The following ATRNL1 variants were observed in gnomAD, a reference collection of about 807,000 sequenced individuals.
ATRNL1 encodes the protein attractin like 1.
In ATRNL1, 95 loss-of-function variants were observed where a neutral mutation model predicts 182.7. The ratio of observed to expected loss-of-function variants is 0.52; its 90% CI spans 0.44 to 0.62. The LOEUF (loss-of-function observed/expected upper bound fraction) is 0.62, where lower values mean the gene tolerates loss of function less well. Among genes scored for constraint, ATRNL1 ranks in the 20% least tolerant of loss-of-function variants. The pLI, the probability that ATRNL1 is intolerant of heterozygous loss-of-function variation, is 0.00. For synonymous variants in ATRNL1, 576 were observed against 568.3 expected (o/e 1.01, Z -0.19); for missense variants, 1,471 against 1,679.5 (o/e 0.88, Z 2.17).
At chr10:115,140,200 C>T (rs1690512483) in intron 5 of ATRNL1, among the ~76,000 whole-genome samples, 4 of 152,254 alleles carry the variant, frequency 2.6e-5, no homozygotes, top group Admixed American at 1.3e-4. Flanking sequence ...CATACCGTGG[C>T]TGCCTAGAGA....
chr10:115,579,120 C>T (rs997039071), intron 26 of ATRNL1, among the ~76,000 whole-genome samples: 1 of 151,662 alleles, frequency 6.6e-6, no homozygotes, highest in East Asian at 1.9e-4. Context: ...TGTGGTCTAA[C>T]GTGATCTATC....
At chr10:115,382,737 C>G (rs1554951568) in intron 19 of ATRNL1, among the ~76,000 whole-genome samples, 1 of 148,222 alleles carries the variant, frequency 6.7e-6, no homozygotes, top group Non-Finnish European at 1.5e-5. Context: ...ATAAGAATCT[C>G]CAGTACAAGC....
chr10:115,817,317 T>G (rs1285070740), intron 27 of ATRNL1, among the ~76,000 whole-genome samples: 1 of 152,132 alleles, frequency 6.6e-6, no homozygotes, highest in Admixed American at 6.6e-5. Flanking sequence ...TGAAATTATT[T>G]ATGAGGTCAT....
chr10:115,659,666 C>T (rs191030275), intron 26 of ATRNL1, among the ~76,000 whole-genome samples: 4 of 152,094 alleles, frequency 2.6e-5, no homozygotes, highest in African/African-American at 9.6e-5. Context: ...GTCTATAGTG[C>T]TATGGAACTT....
At chr10:115,169,505 A>C (rs1238422226) in intron 7 of ATRNL1, among the ~76,000 whole-genome samples, 2 of 152,158 alleles carry the variant, frequency 1.3e-5, no homozygotes, top group East Asian at 1.9e-4. Context: ...CACCATGCCC[A>C]ACCTATCTTG....
At chr10:115,218,430 C>T (rs782299698) in intron 9 of ATRNL1, among the ~76,000 whole-genome samples, 12 of 152,132 alleles carry the variant, frequency 7.9e-5, no homozygotes, top group South Asian at 2.1e-4. Context: ...CTGTCATTTG[C>T]GATCTCATGC....
At chr10:115,625,799 T>TA (rs1181636114) in intron 26 of ATRNL1, among the ~76,000 whole-genome samples, 1 of 152,052 alleles carries the variant, frequency 6.6e-6, no homozygotes, top group Middle Eastern at 3.2e-3. Flanking sequence ...AATGACCCTA[T>TA]ATGCTTATAT....
chr10:115,367,487 A>G (rs1229672547), intron 19 of ATRNL1, among the ~76,000 whole-genome samples: 1 of 150,486 alleles, frequency 6.6e-6, no homozygotes, highest in African/African-American at 2.4e-5. Flanking sequence ...GCTCAGAGTA[A>G]TTTGATCATC....
At chr10:115,874,371 A>G (rs1045856200) in intron 28 of ATRNL1, among the ~76,000 whole-genome samples, 14 of 152,212 alleles carry the variant, frequency 9.2e-5, no homozygotes, top group African/African-American at 3.4e-4. Flanking sequence ...CCTACTGGTA[A>G]TCAGGTCCCT....
At chr10:115,270,691 C>A (rs1163626308) in intron 13 of ATRNL1, among the ~76,000 whole-genome samples, 1 of 151,860 alleles carries the variant, frequency 6.6e-6, no homozygotes, top group African/African-American at 2.4e-5. Context: ...TTCTTTCAGG[C>A]CCTCAATTGC....
intron 28 of ATRNL1, among the ~76,000 whole-genome samples, chr10:115,853,842 GAACA>G (rs1951112340): frequency 2.0e-5 from 3 of 152,062 alleles, no homozygotes; most frequent in Non-Finnish European, 1.5e-5. Context: ...ACAGAGATAA[GAACA>G]AATATCTGAG....
At chr10:115,696,040 A>T (rs1011616875) in intron 26 of ATRNL1, among the ~76,000 whole-genome samples, 266 of 152,026 alleles carry the variant, frequency 1.7e-3, no homozygotes, top group Non-Finnish European at 2.8e-3. Flanking sequence ...CTGGGACTAC[A>T]GGCGCCTGCT....
intron 20 of ATRNL1, among the ~76,000 whole-genome samples, chr10:115,401,542 C>T (rs1844564130): frequency 6.6e-6 from 1 of 152,090 alleles, no homozygotes; most frequent in African/African-American, 2.4e-5. Flanking sequence ...GAGCTGGATC[C>T]TATTTATAAG....
intron 26 of ATRNL1, among the ~76,000 whole-genome samples, chr10:115,608,810 C>T (rs114946033): frequency 0.01 from 1,528 of 151,852 alleles, 26 homozygotes; most frequent in African/African-American, 0.035. Context: ...CCTCTGTTTT[C>T]GCTGTCAAAA....
At chr10:115,483,221 T>C (rs10885725) in intron 24 of ATRNL1, among the ~76,000 whole-genome samples, 59,571 of 151,198 alleles carry the variant, frequency 0.39, 12,711 homozygotes, top group Middle Eastern at 0.49. Flanking sequence ...TTATTTCATA[T>C]GCCTTCATAA....
At chr10:115,524,241 C>T (rs1206898465) in intron 25 of ATRNL1, among the ~76,000 whole-genome samples, 2 of 152,168 alleles carry the variant, frequency 1.3e-5, no homozygotes, top group African/African-American at 4.8e-5. Flanking sequence ...CATTGAGTAT[C>T]AAATTTTAAC....
At chr10:115,291,870 C>T (rs1173790481) in intron 15 of ATRNL1, among the ~76,000 whole-genome samples, 2 of 146,136 alleles carry the variant, frequency 1.4e-5, no homozygotes, top group African/African-American at 2.5e-5. Flanking sequence ...TTATGCTGAC[C>T]TCATAGAATG....
chr10:115,378,413 C>T (rs1857797056), intron 19 of ATRNL1, among the ~76,000 whole-genome samples: 1 of 152,172 alleles, frequency 6.6e-6, no homozygotes, highest in Non-Finnish European at 1.5e-5. Flanking sequence ...GTTGATAAGC[C>T]TGTCCTGGGG....
At chr10:115,349,092 C>T (rs1413668046) in intron 19 of ATRNL1, among the ~76,000 whole-genome samples, 2 of 152,068 alleles carry the variant, frequency 1.3e-5, no homozygotes, top group Non-Finnish European at 2.9e-5. Flanking sequence ...ACCCATTAAC[C>T]ATTTCTATTT....
Sources: gnomAD v4.1 joint callset for allele counts (sites outside exome capture counted in the v4.1 genomes callset) on GRCh38, gnomAD v4.1.1 for gene constraint, MANE v1.5 for transcripts, NCBI Gene and HGNC (gene_info 2026-07-23, HGNC 2026-07-21) for gene names.